The following CFAP95 variants were observed in gnomAD, a reference collection of about 807,000 sequenced individuals.
CFAP95 encodes cilia- and flagella-associated protein 95.
the CFAP95 span, among the ~76,000 whole-genome samples, chr9:69,847,256 A>G: frequency 1.3e-5 from 2 of 152,210 alleles, no homozygotes; most frequent in Non-Finnish European, 2.9e-5. Context: ...GATCAATTCA[A>G]CAAGATGGTT....
the CFAP95 span, among the ~76,000 whole-genome samples, chr9:69,843,540 C>T: frequency 7.0e-4 from 22 of 31,554 alleles, 3 homozygotes; most frequent in African/African-American, 2.5e-3. Flanking sequence ...CCTCCTCCTC[C>T]TCCTCCTCCT....
chr9:69,893,178 G>A, the CFAP95 span, among the ~76,000 whole-genome samples: 2 of 152,196 alleles, frequency 1.3e-5, no homozygotes, highest in Non-Finnish European at 2.9e-5. Flanking sequence ...CTCGCACAGA[G>A]TTCTGCTCCT....
the CFAP95 span, among the ~76,000 whole-genome samples, chr9:69,891,500 C>CT: frequency 0.24 from 35,204 of 146,014 alleles, 4,566 homozygotes; most frequent in Non-Finnish European, 0.29. Flanking sequence ...CTATATTCTT[C>CT]TTTTTTTTTT....
At chr9:69,862,617 A>G in the CFAP95 span, among the ~76,000 whole-genome samples, 1 of 152,226 alleles carries the variant, frequency 6.6e-6, no homozygotes, top group Admixed American at 6.5e-5. Context: ...ATATGCTTCA[A>G]GTTATAAAAG....
At chr9:69,849,831 C>T in the CFAP95 span, among the ~76,000 whole-genome samples, 2 of 152,142 alleles carry the variant, frequency 1.3e-5, no homozygotes, top group African/African-American at 2.4e-5. Flanking sequence ...CAATTCAAGC[C>T]ACTGGGTTTG....
chr9:69,867,071 T>C, the CFAP95 span, among the ~76,000 whole-genome samples: 2 of 152,214 alleles, frequency 1.3e-5, no homozygotes, highest in Non-Finnish European at 2.9e-5. Context: ...TGATGTATGT[T>C]GAAGCCAAAT....
the CFAP95 span, among the ~76,000 whole-genome samples, chr9:69,843,505 C>CCTCCT: frequency 2.6e-4 from 1 of 3,836 alleles, no homozygotes; most frequent in South Asian, 0.017. Flanking sequence ...CCTCCTCCCC[C>CCTCCT]CCTCCTCCTC....
the CFAP95 span, among the ~76,000 whole-genome samples, chr9:69,874,929 C>T: frequency 6.6e-6 from 1 of 152,170 alleles, no homozygotes; most frequent in Non-Finnish European, 1.5e-5. Context: ...TCCAGCTCTG[C>T]TTCCAGAACC....
chr9:69,896,556 T>C, the CFAP95 span, among the ~76,000 whole-genome samples: 1 of 152,226 alleles, frequency 6.6e-6, no homozygotes, highest in African/African-American at 2.4e-5. Context: ...TCTGTTAATA[T>C]CTGTATTTGT....
chr9:69,895,335 G>GTCCCTCTC, the CFAP95 span, among the ~76,000 whole-genome samples: 1 of 121,272 alleles, frequency 8.2e-6, no homozygotes, highest in East Asian at 2.4e-4. Flanking sequence ...CTTAAAATCA[G>GTCCCTCTC]TCTCTCTCTC....
the CFAP95 span, among the ~76,000 whole-genome samples, chr9:69,876,073 T>G: frequency 1.3e-5 from 2 of 152,242 alleles, no homozygotes; most frequent in Middle Eastern, 3.2e-3. Context: ...ATAAGACATA[T>G]GCACCTTCAA....
the CFAP95 span, among the ~76,000 whole-genome samples, chr9:69,889,937 A>G: frequency 6.6e-6 from 1 of 152,196 alleles, no homozygotes; most frequent in African/African-American, 2.4e-5. Flanking sequence ...AGAAAATTTT[A>G]GAAACTAGGG....
chr9:69,852,512 A>C, the CFAP95 span, among the ~76,000 whole-genome samples: 57 of 152,164 alleles, frequency 3.7e-4, 2 homozygotes, highest in South Asian at 0.012. Context: ...TTAATCTCTT[A>C]AGGGGTAGGG....
At chr9:69,891,506 T>C in the CFAP95 span, among the ~76,000 whole-genome samples, 1 of 152,014 alleles carries the variant, frequency 6.6e-6, no homozygotes, top group Non-Finnish European at 1.5e-5. Context: ...TCTTCTTTTT[T>C]TTTTTTTGGA....
At chr9:69,829,089 C>A in the CFAP95 span, among the ~76,000 whole-genome samples, 2 of 152,128 alleles carry the variant, frequency 1.3e-5, no homozygotes, top group African/African-American at 2.4e-5. Flanking sequence ...TTTGGTTTAA[C>A]CACCCTTTCA....
At chr9:69,906,080 T>A in the CFAP95 span, 10 of 1,612,914 alleles carry the variant, frequency 6.2e-6, 1 homozygote, top group Admixed American at 1.7e-4. Context: ...TTATGCTAAT[T>A]CAGATGTAAA....
chr9:69,881,828 C>G, the CFAP95 span, among the ~76,000 whole-genome samples: 1 of 152,010 alleles, frequency 6.6e-6, no homozygotes, highest in Non-Finnish European at 1.5e-5. Flanking sequence ...GTGGTGTTCT[C>G]TTCAATTTCT....
chr9:69,836,104 T>C, the CFAP95 span, among the ~76,000 whole-genome samples: 1 of 152,206 alleles, frequency 6.6e-6, no homozygotes, highest in East Asian at 1.9e-4. Context: ...TTTTTACTGA[T>C]TGTTGGTGTT....
At chr9:69,863,836 C>T in the CFAP95 span, among the ~76,000 whole-genome samples, 2 of 152,140 alleles carry the variant, frequency 1.3e-5, no homozygotes. Context: ...CATAGAGTTC[C>T]TTCTCTATTC....
Sources: allele counts gnomAD v4.1 joint callset (sites outside exome capture counted in the v4.1 genomes callset), GRCh38; gene constraint gnomAD v4.1.1; transcripts MANE v1.5; gene names NCBI Gene and HGNC (gene_info 2026-07-23, HGNC 2026-07-21).